Variants in DPP6 observed in about 807,000 individuals in gnomAD.
DPP6 encodes the protein A-type potassium channel modulatory protein DPP6.
In DPP6, 69 loss-of-function variants were observed where a neutral mutation model predicts 122.6. The ratio of observed to expected loss-of-function variants is 0.56; its 90% CI spans 0.46 to 0.69. The LOEUF (loss-of-function observed/expected upper bound fraction) is 0.69, where lower values mean the gene tolerates loss of function less well. Among genes scored for constraint, DPP6 ranks in the 30% least tolerant of loss-of-function variants. DPP6 has a pLI of 0.00. For synonymous variants in DPP6, 418 were observed against 433.1 expected (o/e 0.97, Z 0.43); for missense variants, 928 against 1,116.9 (o/e 0.83, Z 2.41).
the DPP6 span, among the ~76,000 whole-genome samples, chr7:153,835,263 C>G: frequency 1.3e-5 from 2 of 152,128 alleles, no homozygotes; most frequent in East Asian, 3.8e-4. Context: ...TAGCAGTGAA[C>G]AGTTAGAGGA....
rs148002833 is a variant in DPP6, at chr7:154,819,842, A to G, written c.1666+12730A>G. On this transcript the variant is annotated intron_variant, in intron 16 of 25. Transcript: ENST00000377770. ...GAATGTAACATAATTGGCAAAAGAC[A>G]TGATTATAAAATGAAGACCAAAAAG... Among the ~76,000 whole-genome samples the G allele has an allele frequency of 1.2e-4, 18 of 152,384 alleles. No individual in the cohort carries two copies. The East Asian group carries it at 3.3e-3, about 28-fold the overall frequency.
chr7:154,763,679 G>A (rs149431205), intron 8 of DPP6, among the ~76,000 whole-genome samples: 246 of 152,248 alleles, frequency 1.6e-3, no homozygotes, highest in African/African-American at 5.6e-3. Flanking sequence ...CTGCAGGAGC[G>A]CATGTGAGAA....
At chr7:154,258,586 C>T (rs915541138) in intron 1 of DPP6, among the ~76,000 whole-genome samples, 1 of 152,142 alleles carries the variant, frequency 6.6e-6, no homozygotes, top group Admixed American at 6.5e-5. Flanking sequence ...TGGTATAGGA[C>T]AGTGCAAAGG....
chr7:154,301,549 T>G (rs375573036), intron 1 of DPP6, among the ~76,000 whole-genome samples: 13 of 152,176 alleles, frequency 8.5e-5, no homozygotes, highest in East Asian at 1.9e-4. Flanking sequence ...GTTAACCTTC[T>G]CTTTGACCAC....
Position 154,801,255 on chromosome 7 carries a change from C to T in DPP6, c.1300-100C>T, listed in dbSNP as rs12531589. 419,435 of 1,474,306 alleles carry T rather than the reference C, an allele frequency of 0.28. 61,286 individuals are homozygous for T. Among genetic ancestry groups the T allele is most frequent in the Admixed American group, 0.34 (16,309 of 47,366 alleles). The allele number at this position is 1,474,306 out of a possible 1,614,324, so 91.3% of individuals were successfully genotyped here. ...TTCAACTGTTCCTCTCCTTAGAAAT[C>T]ACATAGAAAATGTATCTCGGGGTGT... is the stretch of plus-strand genomic sequence containing the variant. On this transcript the variant is annotated intron_variant, in intron 12 of 25. Coordinates refer to ENST00000377770, the MANE Select transcript of DPP6 (RefSeq NM_130797.4).
intron 1 of DPP6, among the ~76,000 whole-genome samples, chr7:154,119,257 G>A (rs1170301773): frequency 1.3e-5 from 2 of 152,150 alleles, no homozygotes; most frequent in African/African-American, 4.8e-5. Context: ...TTTTCATCGT[G>A]TAACTGAACA....
chr7:154,204,129 G>C (rs993843019), intron 1 of DPP6, among the ~76,000 whole-genome samples: 1 of 152,172 alleles, frequency 6.6e-6, no homozygotes, highest in Non-Finnish European at 1.5e-5. Flanking sequence ...TGCCACCTGC[G>C]CAGTGGTGTG....
At chr7:154,353,664 A>G (rs1048283151) in intron 1 of DPP6, among the ~76,000 whole-genome samples, 3 of 152,162 alleles carry the variant, frequency 2.0e-5, no homozygotes, top group African/African-American at 7.2e-5. Flanking sequence ...AACTCCAGCC[A>G]AATAAGAGCT....
chr7:153,961,351 A>T (rs1453949109), intron 1 of DPP6, among the ~76,000 whole-genome samples: 2 of 149,666 alleles, frequency 1.3e-5, no homozygotes, highest in Non-Finnish European at 3.0e-5. Flanking sequence ...TTTTTATTTT[A>T]TTTTTTTTTA....
At chr7:153,780,116 C>A in the DPP6 span, among the ~76,000 whole-genome samples, 8 of 151,522 alleles carry the variant, frequency 5.3e-5, no homozygotes, top group Admixed American at 5.3e-4. Flanking sequence ...AAATAGCAAG[C>A]AAAAGAAGGT....
At chr7:153,964,635 G>A (rs1482756399) in intron 1 of DPP6, among the ~76,000 whole-genome samples, 2 of 152,134 alleles carry the variant, frequency 1.3e-5, no homozygotes, top group Non-Finnish European at 2.9e-5. Context: ...AGGAACAGTA[G>A]GCTGGTTGGG....
intron 1 of DPP6, among the ~76,000 whole-genome samples, chr7:153,895,989 C>T (rs534295120): frequency 2.8e-4 from 42 of 152,320 alleles, no homozygotes; most frequent in East Asian, 1.7e-3. Flanking sequence ...CTAGCCAGGC[C>T]GGCCACAAGG....
At chr7:153,843,942 T>C in the DPP6 span, among the ~76,000 whole-genome samples, 44 of 152,238 alleles carry the variant, frequency 2.9e-4, no homozygotes, top group East Asian at 3.5e-3. Flanking sequence ...TGCGGCAAGA[T>C]GAGGGCGTTT....
chr7:154,873,629 G>A (rs998908600), intron 19 of DPP6, among the ~76,000 whole-genome samples: 6 of 152,140 alleles, frequency 3.9e-5, no homozygotes, highest in African/African-American at 1.2e-4. Flanking sequence ...AACGCCCCAG[G>A]GCACAGATTC....
intron 1 of DPP6, among the ~76,000 whole-genome samples, chr7:154,098,960 G>C (rs1370366038): frequency 6.6e-6 from 1 of 152,162 alleles, no homozygotes; most frequent in Non-Finnish European, 1.5e-5. Flanking sequence ...GCTCATACAG[G>C]CAGAAACTAA....
chr7:153,815,684 T>C, the DPP6 span, among the ~76,000 whole-genome samples: 1 of 152,162 alleles, frequency 6.6e-6, no homozygotes, highest in African/African-American at 2.4e-5. Flanking sequence ...CAGAAAAAGA[T>C]AACCTTGTAC....
At chr7:154,560,074 G>C (rs1830323300) in intron 4 of DPP6, among the ~76,000 whole-genome samples, 1 of 151,576 alleles carries the variant, frequency 6.6e-6, no homozygotes, top group African/African-American at 2.4e-5. Context: ...CTTAAGGGAA[G>C]TTCTTTGGAG....
chr7:153,819,324 T>C, the DPP6 span, among the ~76,000 whole-genome samples: 2 of 144,506 alleles, frequency 1.4e-5, no homozygotes, highest in Non-Finnish European at 1.5e-5. Flanking sequence ...CACTTATAAG[T>C]GAGGATATGC....
At chr7:154,210,548 T>C (rs942148266) in intron 1 of DPP6, among the ~76,000 whole-genome samples, 2 of 152,246 alleles carry the variant, frequency 1.3e-5, no homozygotes, top group Non-Finnish European at 1.5e-5. Flanking sequence ...TGGTGCATTC[T>C]ACTATGCAAT....
Sources: allele counts gnomAD v4.1 joint callset (sites outside exome capture counted in the v4.1 genomes callset), GRCh38; gene constraint gnomAD v4.1.1; transcripts MANE v1.5; gene names NCBI Gene and HGNC (gene_info 2026-07-23, HGNC 2026-07-21).